The following TTC7A variants were observed in gnomAD, a reference collection of about 807,000 sequenced individuals.
TTC7A encodes tetratricopeptide repeat protein 7A.
Under a neutral mutation model 103.7 loss-of-function variants are expected in TTC7A, and 110 were observed. The ratio of observed to expected loss-of-function variants is 1.06; its 90% confidence interval spans 0.91 to 1.24. The LOEUF is 1.24. Ranked by LOEUF, TTC7A falls within the 50% of genes most tolerant of loss-of-function variation. The pLI, the probability that TTC7A is intolerant of heterozygous loss-of-function variation, is 0.00. For missense variants in TTC7A, 1,340 were observed against 1,116.3 expected (o/e 1.20, Z -2.86); for synonymous variants, 521 against 467.9 (o/e 1.11, Z -1.47).
intron 3 of TTC7A, 63 bp downstream of exon 3, chr2:46,957,070 C>G: frequency 1.3e-6 from 2 of 1,598,814 alleles, no homozygotes; most frequent in African/African-American, 1.3e-5. Flanking sequence ...CTCTGACTCC[C>G]AGGGCCCTGC....
intron 8 of TTC7A, among the ~76,000 whole-genome samples, chr2:47,004,325 C>G (rs542534251): frequency 3.9e-5 from 6 of 152,208 alleles, no homozygotes; most frequent in African/African-American, 1.4e-4. Flanking sequence ...TCTGGGAGGA[C>G]TCCCTCCAGC....
At chr2:47,008,983 G>A (rs1287871854) in intron 10 of TTC7A, among the ~76,000 whole-genome samples, 2 of 152,138 alleles carry the variant, frequency 1.3e-5, no homozygotes, top group African/African-American at 4.8e-5. Context: ...GTGTACGTGG[G>A]GGTGGGGTGG....
chr2:46,979,603 G>A (rs982555806), intron 5 of TTC7A, among the ~76,000 whole-genome samples: 1 of 152,188 alleles, frequency 6.6e-6, no homozygotes, highest in Non-Finnish European at 1.5e-5. Context: ...GGGGGTGGCT[G>A]GTGTTAGGCC....
At chr2:46,999,944 C>T (rs192837138) in intron 8 of TTC7A, 1 of 974,210 alleles carries the variant, frequency 1.0e-6, no homozygotes, top group Non-Finnish European at 1.2e-6. Flanking sequence ...TTGTGCCATG[C>T]CCAATGCTGG....
intron 2 of TTC7A, among the ~76,000 whole-genome samples, chr2:46,954,566 C>CTT (rs35548270): frequency 0.044 from 5,285 of 121,240 alleles, 202 homozygotes; most frequent in Middle Eastern, 0.068. Flanking sequence ...AACTAAGAGC[C>CTT]TTTTTTTTTT....
chr2:47,017,746 T>C (rs926937173), intron 11 of TTC7A, among the ~76,000 whole-genome samples: 2 of 152,102 alleles, frequency 1.3e-5, no homozygotes, highest in Non-Finnish European at 2.9e-5. Context: ...AGGATCTGGC[T>C]GAGAGACAAA....
intron 1 of TTC7A, among the ~76,000 whole-genome samples, chr2:46,947,978 T>C (rs1181948616): frequency 2.0e-5 from 3 of 152,222 alleles, no homozygotes; most frequent in Non-Finnish European, 4.4e-5. Flanking sequence ...CAAAGGGGCG[T>C]GCTCTGGGGA....
intron 5 of TTC7A, 56 bp from the exon 6 acceptor site, chr2:46,993,394 A>G (rs1675822636): frequency 1.3e-6 from 2 of 1,560,426 alleles, no homozygotes; most frequent in Non-Finnish European, 1.8e-6. Flanking sequence ...TGCTGAGAGC[A>G]TCCTTCTTTG....
At chr2:46,968,056 C>T (rs7424890) in intron 3 of TTC7A, among the ~76,000 whole-genome samples, 8,511 of 152,204 alleles carry the variant, frequency 0.056, 309 homozygotes, top group Non-Finnish European at 0.077. Flanking sequence ...ACCTCTGCAT[C>T]CAGGGCCCAA....
At chr2:46,928,229 C>T (rs1669500760) in intron 2 of TTC7A, among the ~76,000 whole-genome samples, 1 of 151,822 alleles carries the variant, frequency 6.6e-6, no homozygotes, top group African/African-American at 2.4e-5. Flanking sequence ...CAAATTACTA[C>T]CAGTTTTGCA....
rs529932318 is a variant in TTC7A at position 47,032,055 on chromosome 2, C to T, written c.1802+2671C>T. 2.1e-4 allele frequency among the ~76,000 whole-genome samples: 32 copies of T among 152,324 alleles called. No individual in the cohort carries two copies. The South Asian group carries it at 5.4e-3, about 26-fold the overall frequency. On this transcript the variant is annotated intron_variant, in intron 15 of 19. Coordinates refer to ENST00000319190, the MANE Select transcript of TTC7A (RefSeq NM_020458.4). ...GCCCTGCCTCAACACGTGCACTTTC[C>T]ACCCTTCCCTTCCTCCCAAGCTTAC...
chr2:47,002,673 G>C (rs939718789), intron 8 of TTC7A, among the ~76,000 whole-genome samples: 33 of 152,112 alleles, frequency 2.2e-4, no homozygotes, highest in Non-Finnish European at 2.1e-4. Flanking sequence ...TGGCCCCTGA[G>C]CTGCACATTA....
intron 4 of TTC7A, among the ~76,000 whole-genome samples, chr2:46,977,298 G>A (rs1673976093): frequency 6.6e-6 from 1 of 152,198 alleles, no homozygotes; most frequent in Admixed American, 6.5e-5. Flanking sequence ...AATACTGTGT[G>A]TCCCTCCTGA....
At chr2:46,917,385 T>C (rs375677195) in intron 2 of TTC7A, 1 of 584,782 alleles carries the variant, frequency 1.7e-6, no homozygotes, top group African/African-American at 1.9e-5. Flanking sequence ...TTTGATCTAG[T>C]TCCTCCTTCT....
At position 46,942,348 on chromosome 2, in the gene TTC7A, G is replaced by A. The variant is rs116346100; in HGVS notation, c.184+623G>A. ...CGGGAAAGCACCCTGATGTGGCAGC[G>A]GGGAACACCCCGCCCCAGTCTCTAA... On this transcript the variant is annotated intron_variant, in intron 1 of 19. Transcript: ENST00000319190. Among the ~76,000 whole-genome samples, 340 of 152,214 alleles carry A rather than the reference G, an allele frequency of 2.2e-3. 4 individuals are homozygous for A. Among genetic ancestry groups the A allele is most frequent in the African/African-American group, 7.9e-3 (328 of 41,530 alleles).
At chr2:47,050,352 G>C in intron 17 of TTC7A, 1 of 410,162 alleles carries the variant, frequency 2.4e-6, no homozygotes, top group East Asian at 4.3e-5. Context: ...TCAAGCCAGA[G>C]GCCACAGTCC....
At position 46,974,852 on chromosome 2, in the gene TTC7A, CT is replaced by C. The variant is rs67758600; in HGVS notation, c.518-120del. ...CTCCCTCCCCTCCGCAGACCTCCGC[CT>C]CCTCCTGGCTGCACCAGAGTGTCTG... is the stretch of plus-strand genomic sequence containing the variant. On this transcript the variant is annotated intron_variant, in intron 3 of 19. Transcript: ENST00000319190. 0.39 allele frequency: 554,895 copies of C among 1,412,176 alleles called. 112,661 individuals are homozygous for C. Among genetic ancestry groups the C allele is most frequent in the East Asian group, 0.63 (25,262 of 40,142 alleles). The allele number at this position is 1,412,176 out of a possible 1,614,324, so 87.5% of individuals were successfully genotyped here. A position where few individuals can be genotyped will look rare whatever the true frequency, so the allele number is the denominator to read the frequency against.
intron 2 of TTC7A, among the ~76,000 whole-genome samples, chr2:46,955,760 C>T (rs1156703273): frequency 1.3e-5 from 2 of 152,154 alleles, no homozygotes; most frequent in Non-Finnish European, 2.9e-5. Context: ...CACAGGGACC[C>T]CAGACTCTTA....
At chr2:46,959,930 G>A (rs1266720311) in intron 3 of TTC7A, among the ~76,000 whole-genome samples, 1 of 152,196 alleles carries the variant, frequency 6.6e-6, no homozygotes, top group Non-Finnish European at 1.5e-5. Flanking sequence ...TATTGTCCAT[G>A]TCACATTTGC....
Sources: allele counts gnomAD v4.1 joint callset (sites outside exome capture counted in the v4.1 genomes callset), GRCh38; gene constraint gnomAD v4.1.1; transcripts MANE v1.5; gene names NCBI Gene and HGNC (gene_info 2026-07-23, HGNC 2026-07-21).